The following ATXN7 variants were observed in gnomAD, a reference collection of about 807,000 sequenced individuals.
The protein encoded by ATXN7 is ataxin 7, also known as ataxin-7.
ATXN7 carries 12 observed loss-of-function variants against 70.5 expected under a neutral mutation model. The ratio of observed to expected loss-of-function variants is 0.17; its 90% CI spans 0.11 to 0.28. The LOEUF (loss-of-function observed/expected upper bound fraction) is 0.28. Among genes scored for constraint, ATXN7 ranks in the 10% least tolerant of loss-of-function variants. ATXN7 has a pLI of 1.00. For synonymous variants in ATXN7, 498 were observed against 448.7 expected (o/e 1.11, Z -1.39); for missense variants, 1,256 against 1,131.7 (o/e 1.11, Z -1.58).
chr3:63,957,460 T>C (rs887703392), intron 5 of ATXN7, among the ~76,000 whole-genome samples: 1 of 152,248 alleles, frequency 6.6e-6, no homozygotes, highest in African/African-American at 2.4e-5. Flanking sequence ...AGTATTTTTC[T>C]TTAAATCAGA....
At chr3:63,977,281 C>T (rs1257552099) in intron 5 of ATXN7, among the ~76,000 whole-genome samples, 1 of 152,090 alleles carries the variant, frequency 6.6e-6, no homozygotes, top group African/African-American at 2.4e-5. Flanking sequence ...TTTGCATTCT[C>T]AAAACAAGCT....
intron 12 of ATXN7, chr3:63,997,565 A>G: frequency 1.4e-6 from 2 of 1,471,058 alleles, no homozygotes; most frequent in South Asian, 2.4e-5. Flanking sequence ...TGTTTCTTCC[A>G]GCTTCCTTTG....
chr3:63,928,287 C>T (rs1704795072), intron 4 of ATXN7, among the ~76,000 whole-genome samples: 2 of 151,970 alleles, frequency 1.3e-5, no homozygotes, highest in Non-Finnish European at 2.9e-5. Flanking sequence ...GGTGACAGAG[C>T]GAGACCCTTT....
At chr3:63,961,787 C>G (rs2075137003) in intron 5 of ATXN7, among the ~76,000 whole-genome samples, 1 of 152,072 alleles carries the variant, frequency 6.6e-6, no homozygotes, top group Non-Finnish European at 1.5e-5. Flanking sequence ...ACCAGTGTCA[C>G]TCTTGACTTG....
chr3:63,920,228 TG>T (rs1270257721), intron 4 of ATXN7, among the ~76,000 whole-genome samples: 2 of 152,186 alleles, frequency 1.3e-5, no homozygotes, highest in African/African-American at 2.4e-5. Context: ...CACAGTAGGA[TG>T]GGGTTCCCAA....
At chr3:63,928,552 A>G (rs1704809968) in intron 4 of ATXN7, among the ~76,000 whole-genome samples, 1 of 152,212 alleles carries the variant, frequency 6.6e-6, no homozygotes. Context: ...TCACGCACTG[A>G]GTAAAGAGCT....
upstream of ATXN7, chr3:63,863,452 G>C (rs546724768): frequency 2.3e-5 from 26 of 1,137,104 alleles, no homozygotes; most frequent in Non-Finnish European, 2.8e-5. Flanking sequence ...GCTTCTAGCC[G>C]TCTCGGCCAC....
intron 5 of ATXN7, among the ~76,000 whole-genome samples, chr3:63,971,656 C>T (rs764081277): frequency 3.3e-5 from 5 of 151,772 alleles, no homozygotes; most frequent in Admixed American, 6.6e-5. Context: ...TTTTAATATT[C>T]GTGAGAAAAA....
intron 1 of ATXN7, among the ~76,000 whole-genome samples, chr3:63,867,693 G>T (rs1463490758): frequency 6.6e-6 from 1 of 151,996 alleles, no homozygotes; most frequent in Non-Finnish European, 1.5e-5. Context: ...TTCAAGAGCA[G>T]CCTGGCCAAC....
intron 9 of ATXN7, among the ~76,000 whole-genome samples, chr3:63,988,816 A>G (rs1357482020): frequency 6.6e-6 from 1 of 152,230 alleles, no homozygotes; most frequent in African/African-American, 2.4e-5. Context: ...GTAGCAGAGT[A>G]AACAGTGGAT....
intron 4 of ATXN7, among the ~76,000 whole-genome samples, chr3:63,936,138 C>G (rs1332526127): frequency 6.6e-6 from 1 of 152,188 alleles, no homozygotes; most frequent in Admixed American, 6.5e-5. Flanking sequence ...ACATAGTAAA[C>G]ACACAAATAA....
chr3:63,999,389 G>C (rs2075809497), intron 12 of ATXN7, 61 bp from the exon 13 acceptor site: 1 of 1,318,492 alleles, frequency 7.6e-7, no homozygotes. Context: ...AATCAATAGA[G>C]TGCAGTGTAC....
intron 5 of ATXN7, chr3:63,967,821 A>G (rs2075251166): frequency 2.6e-6 from 4 of 1,519,276 alleles, no homozygotes; most frequent in Non-Finnish European, 3.5e-6. Flanking sequence ...AAGCCCAAAC[A>G]TGGAGCATAT....
At chr3:63,936,403 A>T (rs1559638421) in intron 4 of ATXN7, among the ~76,000 whole-genome samples, 2 of 152,216 alleles carry the variant, frequency 1.3e-5, no homozygotes, top group Non-Finnish European at 2.9e-5. Context: ...TTCAAGGATT[A>T]TATTAGCTGA....
At chr3:63,973,909 G>T (rs1403275267) in intron 5 of ATXN7, among the ~76,000 whole-genome samples, 1 of 152,090 alleles carries the variant, frequency 6.6e-6, no homozygotes, top group Non-Finnish European at 1.5e-5. Flanking sequence ...GCATGACAGT[G>T]TAGAAAAACC....
At chr3:63,977,121 A>G (rs985146676) in intron 5 of ATXN7, among the ~76,000 whole-genome samples, 1 of 152,122 alleles carries the variant, frequency 6.6e-6, no homozygotes, top group African/African-American at 2.4e-5. Flanking sequence ...GGGGTTGTGC[A>G]TTTTGTGTTT....
At chr3:63,869,409 C>T (rs894824408) in intron 1 of ATXN7, among the ~76,000 whole-genome samples, 2 of 152,062 alleles carry the variant, frequency 1.3e-5, no homozygotes, top group Non-Finnish European at 2.9e-5. Flanking sequence ...AGATATCATA[C>T]ATCTTTTTCT....
intron 5 of ATXN7, among the ~76,000 whole-genome samples, chr3:63,975,389 A>G (rs2075374619): frequency 1.3e-5 from 2 of 152,218 alleles, no homozygotes; most frequent in South Asian, 4.1e-4. Context: ...TTATAGAAAA[A>G]CAATACACAA....
chr3:63,898,970 C>T (rs765756372), intron 2 of ATXN7, among the ~76,000 whole-genome samples: 7 of 152,202 alleles, frequency 4.6e-5, no homozygotes, highest in Non-Finnish European at 1.0e-4. Flanking sequence ...ACTTTCTGGG[C>T]CCATTGCCTT....
Sources: allele counts gnomAD v4.1 joint callset (sites outside exome capture counted in the v4.1 genomes callset), GRCh38; gene constraint gnomAD v4.1.1; transcripts MANE v1.5; gene names NCBI Gene and HGNC (gene_info 2026-07-23, HGNC 2026-07-21).